GRID2: variants seen among roughly 807,000 people sequenced by gnomAD.
GRID2 encodes the protein glutamate ionotropic receptor delta type subunit 2, also known as glutamate receptor ionotropic, delta-2.
In GRID2, 33 loss-of-function variants were observed where a neutral mutation model predicts 114.8. The ratio of observed to expected loss-of-function variants is 0.29; its 90% CI spans 0.22 to 0.38. GRID2 has a LOEUF of 0.38. Among genes scored for constraint, GRID2 ranks in the 10% least tolerant of loss-of-function variants. GRID2 has a pLI of 1.00. For missense variants in GRID2, 1,184 were observed against 1,257.7 expected (o/e 0.94, Z 0.89); for synonymous variants, 505 against 449.9 (o/e 1.12, Z -1.55).
intron 1 of GRID2, among the ~76,000 whole-genome samples, chr4:93,794,403 C>A (rs1388950227): frequency 6.6e-6 from 1 of 152,182 alleles, no homozygotes; most frequent in Admixed American, 6.5e-5. Context: ...CAATATTCAA[C>A]CTGTTGTTTG....
At chr4:93,485,401 T>C (rs1726285649) in intron 11 of GRID2, among the ~76,000 whole-genome samples, 2 of 151,762 alleles carry the variant, frequency 1.3e-5, no homozygotes, top group African/African-American at 4.8e-5. Context: ...AAATTATCAA[T>C]CTTTTCTTTT....
intron 8 of GRID2, among the ~76,000 whole-genome samples, chr4:93,325,437 C>T (rs1211759167): frequency 6.6e-6 from 1 of 152,008 alleles, no homozygotes; most frequent in Non-Finnish European, 1.5e-5. Flanking sequence ...CTATGATAGA[C>T]TATTCTTTCT....
chr4:92,641,134 G>C (rs895227109), intron 2 of GRID2, among the ~76,000 whole-genome samples: 1 of 151,704 alleles, frequency 6.6e-6, no homozygotes, highest in Admixed American at 6.6e-5. Context: ...TGGATCAAGA[G>C]ATGTGAAGCC....
intron 1 of GRID2, among the ~76,000 whole-genome samples, chr4:93,789,827 A>G (rs760524601): frequency 1.4e-4 from 21 of 152,284 alleles, no homozygotes; most frequent in African/African-American, 3.6e-4. Context: ...GGAGTCCCCA[A>G]TCCCCGGGCC....
intron 13 of GRID2, among the ~76,000 whole-genome samples, chr4:93,528,176 A>G (rs939448251): frequency 1.3e-5 from 2 of 151,520 alleles, no homozygotes; most frequent in Non-Finnish European, 2.9e-5. Flanking sequence ...ATATACATAT[A>G]CACACACACA....
chr4:93,488,126 A>G (rs1726595945), intron 11 of GRID2, among the ~76,000 whole-genome samples: 1 of 151,914 alleles, frequency 6.6e-6, no homozygotes. Context: ...TATTGTTCTA[A>G]TTTTGTTATA....
intron 2 of GRID2, among the ~76,000 whole-genome samples, chr4:92,780,930 G>T (rs370738577): frequency 6.6e-6 from 1 of 152,018 alleles, no homozygotes; most frequent in African/African-American, 2.4e-5. Flanking sequence ...CAGGGTTTTT[G>T]ATCGTTTTCT....
At chr4:92,977,255 G>C (rs1002059466) in intron 2 of GRID2, among the ~76,000 whole-genome samples, 1 of 152,082 alleles carries the variant, frequency 6.6e-6, no homozygotes, top group African/African-American at 2.4e-5. Context: ...CTGAATAATG[G>C]GAGACATTTT....
intron 2 of GRID2, among the ~76,000 whole-genome samples, chr4:92,735,575 G>A (rs766098006): frequency 5.3e-5 from 8 of 152,136 alleles, no homozygotes; most frequent in East Asian, 3.9e-4. Context: ...TCTTCTTTAC[G>A]TAAAGATTTA....
intron 11 of GRID2, among the ~76,000 whole-genome samples, chr4:93,486,709 C>A (rs1039008611): frequency 2.0e-5 from 3 of 151,618 alleles, no homozygotes; most frequent in African/African-American, 7.3e-5. Flanking sequence ...TAAACCCTAT[C>A]TGTTTATTTA....
intron 4 of GRID2, among the ~76,000 whole-genome samples, chr4:93,137,634 A>G (rs571794468): frequency 2.5e-4 from 38 of 152,258 alleles, no homozygotes; most frequent in Admixed American, 1.4e-3. Context: ...AGGACATGCA[A>G]TTTAGGCTAT....
At chr4:93,636,724 A>G (rs146645932) in intron 14 of GRID2, among the ~76,000 whole-genome samples, 11 of 152,284 alleles carry the variant, frequency 7.2e-5, no homozygotes, top group African/African-American at 2.4e-4. Flanking sequence ...GGCTTACATA[A>G]TAATTATGTC....
chr4:92,691,380 C>G (rs1421734995), intron 2 of GRID2, among the ~76,000 whole-genome samples: 1 of 151,972 alleles, frequency 6.6e-6, no homozygotes, highest in Non-Finnish European at 1.5e-5. Context: ...AATGAAGGGA[C>G]TGTTTACACA....
intron 2 of GRID2, among the ~76,000 whole-genome samples, chr4:92,591,281 C>G (rs557584844): frequency 1.3e-5 from 2 of 152,200 alleles, no homozygotes; most frequent in South Asian, 4.1e-4. Context: ...TCACAAGACA[C>G]CTAATCTGCT....
intron 2 of GRID2, among the ~76,000 whole-genome samples, chr4:92,920,171 C>T (rs1578474226): frequency 6.6e-6 from 1 of 152,056 alleles, no homozygotes; most frequent in Admixed American, 6.6e-5. Context: ...GACTGCAACC[C>T]TTGCCTTTTT....
intron 2 of GRID2, among the ~76,000 whole-genome samples, chr4:92,945,531 A>G (rs1215483145): frequency 1.3e-5 from 2 of 152,142 alleles, no homozygotes; most frequent in South Asian, 2.1e-4. Context: ...TCTCTAGGAA[A>G]TTATGTTTGA....
At chr4:92,965,710 G>A (rs1753114195) in intron 2 of GRID2, among the ~76,000 whole-genome samples, 1 of 151,686 alleles carries the variant, frequency 6.6e-6, no homozygotes, top group South Asian at 2.1e-4. Context: ...GCAGGAAATT[G>A]GAAGTCCAAA....
intron 4 of GRID2, among the ~76,000 whole-genome samples, chr4:93,123,969 G>C (rs1446221806): frequency 1.6e-5 from 2 of 128,074 alleles, no homozygotes; most frequent in Admixed American, 8.5e-5. Flanking sequence ...GGTTGGGGGA[G>C]GGGGGAGGGA....
intron 8 of GRID2, among the ~76,000 whole-genome samples, chr4:93,250,946 A>G (rs1821342): frequency 0.69 from 105,040 of 151,282 alleles, 37,005 homozygotes; most frequent in Middle Eastern, 0.85. Flanking sequence ...AGGGGAGGTT[A>G]TTCAAATGTG....
Sources: gnomAD v4.1 joint callset for allele counts (sites outside exome capture counted in the v4.1 genomes callset) on GRCh38, gnomAD v4.1.1 for gene constraint, MANE v1.5 for transcripts, NCBI Gene and HGNC (gene_info 2026-07-23, HGNC 2026-07-21) for gene names.